SCN11A: variants seen among roughly 807,000 people sequenced by gnomAD.
The protein encoded by SCN11A is sodium voltage-gated channel alpha subunit 11.
A neutral mutation model predicts 162.2 loss-of-function variants in SCN11A; 122 were observed. That is an observed-to-expected ratio of 0.75 (90% CI 0.65 to 0.87). The LOEUF is 0.87. SCN11A is among the 40% of genes least tolerant of loss of function. The pLI, the probability that SCN11A is intolerant of heterozygous loss-of-function variation, is 0.00. For missense variants in SCN11A, 2,015 were observed against 2,181.6 expected (o/e 0.92, Z 1.52); for synonymous variants, 758 against 751.5 (o/e 1.01, Z -0.14).
Position 38,846,805 on chromosome 3 carries a change from G to C in SCN11A, c.5265C>G (p.Asp1755Glu). 6.2e-7 allele frequency: 1 copy of C among 1,614,006 alleles called. No individual in the cohort carries two copies. The highest frequency in any genetic ancestry group is 8.5e-7 in the Non-Finnish European group (1 of 1,179,988). ...TTTCCAAGTCATTTTGGTCACCTTGGTCACCCTTGGTCACCTTCATCATGT... is the reference window on the plus strand; with the variant it reads ...TTTCCAAGTCATTTTGGTCACCTTGCTCACCCTTGGTCACCTTCATCATGT... Reference protein sequence around the residue: ...RKYMMKVTKGDQGDQNDLENG... With the variant: ...RKYMMKVTKGEQGDQNDLENG... Residue 1755 changes from aspartate to glutamate, a missense_variant, in exon 30 of 30, where the codon GAC (aspartate) becomes GAG (glutamate). Physicochemically the swap from Asp to Glu is conservative, Grantham distance 45. Transcript: ENST00000302328.
At chr3:38,910,326 G>T in intron 11 of SCN11A, 119 bp from the exon 12 acceptor site, 1 of 960,020 alleles carries the variant, frequency 1.0e-6, no homozygotes, top group Non-Finnish European at 1.5e-6. Context: ...CCTAGAGGAA[G>T]GGAGTATTTG....
chr3:39,006,413 T>C (rs992853206), intron 2 of SCN11A, among the ~76,000 whole-genome samples: 6 of 152,178 alleles, frequency 3.9e-5, no homozygotes, highest in Non-Finnish European at 7.3e-5. Flanking sequence ...AGCCAGATCA[T>C]TCTATGATAA....
chr3:38,978,524 T>C (rs2066862516), intron 2 of SCN11A, among the ~76,000 whole-genome samples: 1 of 152,016 alleles, frequency 6.6e-6, no homozygotes, highest in Non-Finnish European at 1.5e-5. Flanking sequence ...CACACACCTG[T>C]AATCCCAGCT....
chr3:38,926,369 C>T (rs996248430), intron 8 of SCN11A, among the ~76,000 whole-genome samples: 4 of 152,202 alleles, frequency 2.6e-5, no homozygotes, highest in Non-Finnish European at 5.9e-5. Flanking sequence ...CCTATATTCT[C>T]TGACAGCTTA....
At chr3:39,035,722 C>T (rs988217391) in intron 1 of SCN11A, among the ~76,000 whole-genome samples, 14 of 152,174 alleles carry the variant, frequency 9.2e-5, no homozygotes, top group African/African-American at 3.4e-4. Context: ...TCACTGCAAG[C>T]TCCGCCTCCC....
chr3:38,987,033 A>T (rs1427096779), intron 2 of SCN11A, among the ~76,000 whole-genome samples: 1 of 152,178 alleles, frequency 6.6e-6, no homozygotes, highest in East Asian at 1.9e-4. Flanking sequence ...GAGAAACACA[A>T]GGCTCTGCCT....
At chr3:38,982,342 C>G (rs2030086976) in intron 2 of SCN11A, among the ~76,000 whole-genome samples, 1 of 152,182 alleles carries the variant, frequency 6.6e-6, no homozygotes, top group Non-Finnish European at 1.5e-5. Context: ...GCATTTGTTT[C>G]CACAGAGCAA....
intron 7 of SCN11A, among the ~76,000 whole-genome samples, chr3:38,944,282 C>G (rs1381118733): frequency 6.6e-6 from 1 of 151,732 alleles, no homozygotes; most frequent in African/African-American, 2.4e-5. Flanking sequence ...AACATTTTGT[C>G]TATATATATC....
At chr3:38,897,381 G>A (rs185685782) in intron 17 of SCN11A, among the ~76,000 whole-genome samples, 156 bp from the exon 18 acceptor site, 1 of 152,334 alleles carries the variant, frequency 6.6e-6, no homozygotes, top group African/African-American at 2.4e-5. Context: ...TCAGATCGCT[G>A]TCATAATCTA....
rs999052924 is a variant in SCN11A at position 38,904,024 on chromosome 3, G to A, written c.1683C>T (p.Pro561=). The A allele has an allele frequency of 1.2e-6, 2 of 1,611,684 alleles. No individual in the cohort carries two copies. The highest frequency in any genetic ancestry group is 2.2e-5 in the South Asian group (2 of 90,212). Residue 561 remains proline, a synonymous_variant, in exon 16 of 30, where the codon CCC becomes CCT. Coordinates refer to ENST00000302328, the MANE Select transcript of SCN11A (RefSeq NM_001349253.2). Reference sequence around the variant, plus strand: ...GGACCTTCTTAACGCACAGCCACTGGGGGCAACAGTTCCACACGAGGTACT... The same window carrying A: ...GGACCTTCTTAACGCACAGCCACTGAGGGCAACAGTTCCACACGAGGTACT... ...ASKYLVWNCC[P]QWLCVKKVLR... is the part of the protein sequence containing the mutation.
chr3:39,020,889 C>A (rs369238444), intron 2 of SCN11A, among the ~76,000 whole-genome samples: 1 of 151,984 alleles, frequency 6.6e-6, no homozygotes, highest in East Asian at 1.9e-4. Context: ...ATCAAAATTT[C>A]TGGGAATGGT....
Position 38,945,464 on chromosome 3 carries a change from G to T in SCN11A, c.435C>A (p.Phe145Leu). The change falls in exon 7 of 30, where the codon TTC becomes TTA. Residue 145 changes from phenylalanine to leucine, a missense_variant. Transcript: ENST00000302328. ...TGTTTTTAGCAGGCCCTGTAGCCAT[G>T]AACACGCAGTTGATGATAACGGTGC... is the stretch of plus-strand genomic sequence containing the variant. ...IIGTVIINCV[F>L]MATGPAKNSN... 1 of 1,600,632 alleles carries T rather than the reference G, an allele frequency of 6.2e-7. No homozygotes were observed.
At chr3:38,991,088 A>T (rs1449353875) in intron 2 of SCN11A, among the ~76,000 whole-genome samples, 2 of 152,192 alleles carry the variant, frequency 1.3e-5, no homozygotes, top group Non-Finnish European at 2.9e-5. Flanking sequence ...GTTATCAGTG[A>T]TTACTTCTTA....
intron 7 of SCN11A, among the ~76,000 whole-genome samples, chr3:38,933,356 G>A (rs959069951): frequency 2.0e-5 from 3 of 152,302 alleles, no homozygotes; most frequent in East Asian, 1.9e-4. Flanking sequence ...CACCAGCAAC[G>A]GAACAAAGCA....
At chr3:38,999,541 T>TCAGA (rs143772440) in intron 2 of SCN11A, among the ~76,000 whole-genome samples, 6,510 of 152,274 alleles carry the variant, frequency 0.043, 255 homozygotes, top group African/African-American at 0.1. Flanking sequence ...TCAATTGTAA[T>TCAGA]CAAACTCTGC....
In SCN11A at chr3:38,925,395, G is replaced by A. The variant is rs1239641503; in HGVS notation, c.712+20C>T. The A allele has an allele frequency of 3.9e-6, 6 of 1,522,476 alleles. No individual in the cohort carries two copies. The highest frequency in any genetic ancestry group is 5.5e-6 in the Non-Finnish European group (6 of 1,096,860). The allele number at this position is 1,522,476 out of a possible 1,614,324, so 94.3% of individuals were successfully genotyped here. A position where few individuals can be genotyped will look rare whatever the true frequency, so the allele number is the denominator to read the frequency against. The stretch of plus-strand genomic sequence containing the variant: ...ATTCTTTCTAGATAGGAGCCAGTGT[G>A]GAAAGTGAGAGTGACTTACGTGAAA... On this transcript the variant is annotated intron_variant, in intron 9 of 29. Coordinates refer to ENST00000302328, the MANE Select transcript of SCN11A (RefSeq NM_001349253.2).
intron 17 of SCN11A, among the ~76,000 whole-genome samples, chr3:38,899,055 C>T (rs1298938743): frequency 1.3e-5 from 2 of 151,864 alleles, no homozygotes; most frequent in African/African-American, 4.8e-5. Context: ...ATAAAATGTA[C>T]ATTTAGGTAA....
chr3:38,929,172 C>CACACGT (rs139558791), intron 7 of SCN11A, among the ~76,000 whole-genome samples: 1 of 79,748 alleles, frequency 1.3e-5, no homozygotes, highest in African/African-American at 3.1e-5. Context: ...CACACACACA[C>CACACGT]ATGTTTGGGA....
At chr3:38,995,819 G>A (rs76730192) in intron 2 of SCN11A, among the ~76,000 whole-genome samples, 20,773 of 141,634 alleles carry the variant, frequency 0.15, 2,258 homozygotes, top group African/African-American at 0.32. Flanking sequence ...CTATCTATCT[G>A]TCTATCTATC....
Sources: allele counts gnomAD v4.1 joint callset (sites outside exome capture counted in the v4.1 genomes callset), GRCh38; gene constraint gnomAD v4.1.1; transcripts MANE v1.5; gene names NCBI Gene and HGNC (gene_info 2026-07-23, HGNC 2026-07-21).